Variants in FBLN1 observed in about 807,000 individuals in gnomAD.
FBLN1 encodes fibulin-1.
Under a neutral mutation model 89.7 loss-of-function variants are expected in FBLN1, and 34 were observed. The observed-to-expected ratio is 0.38, with a 90% CI of 0.29 to 0.50. FBLN1 has a LOEUF of 0.50. FBLN1 is among the 20% of genes least tolerant of loss of function. FBLN1 has a pLI of 0.92. For missense variants in FBLN1, 777 were observed against 988.1 expected (o/e 0.79, Z 2.86); for synonymous variants, 393 against 391.3 (o/e 1.00, Z -0.05).
intron 14 of FBLN1, among the ~76,000 whole-genome samples, chr22:45,568,585 C>T (rs1337132753): frequency 1.5e-5 from 2 of 135,578 alleles, no homozygotes; most frequent in Non-Finnish European, 3.1e-5. Context: ...GAGAATGCTC[C>T]TGTAGGGGAA....
Position 45,530,224 on chromosome 22 carries a change from C to CACT in FBLN1, c.485-1041_485-1040insACT, listed in dbSNP as rs1349781865. On this transcript the variant is annotated intron_variant, in intron 4 of 16. Transcript: ENST00000327858. This position sits in a 1 kb window ranked among gnomAD's most constrained non-coding sequence, Gnocchi z 5.4. ...AGACGACATTTTCACTTTAAACAAA[C>CACT]CCAAACCATTCCTGCTGGTGGAGGA... 5.9e-5 allele frequency among the ~76,000 whole-genome samples: 9 copies of CACT among 151,858 alleles called. No individual in the cohort carries two copies. Among genetic ancestry groups the CACT allele is most frequent in the African/African-American group, 1.9e-4 (8 of 41,356 alleles).
Position 45,563,147 on chromosome 22 carries a change from A to G in FBLN1, c.1698-11364A>G, listed in dbSNP as rs1241240759. On this transcript the variant is annotated intron_variant, in intron 14 of 16. Coordinates refer to ENST00000327858, the MANE Select transcript of FBLN1 (RefSeq NM_006486.3). This position sits in a 1 kb window ranked among gnomAD's most constrained non-coding sequence, Gnocchi z 5.7. ...CCCCCACAGTGGGGTGGTGGCCCTC[A>G]CCAAGCCTGTCCCCGAGCCCAGGGA... is the stretch of plus-strand genomic sequence containing the variant. The G allele has an allele frequency of 1.9e-6, 3 of 1,613,254 alleles. No individual in the cohort carries two copies. The highest frequency in any genetic ancestry group is 2.5e-6 in the Non-Finnish European group (3 of 1,179,976).
At chr22:45,519,351 T>C (rs550315986) in intron 2 of FBLN1, among the ~76,000 whole-genome samples, 455 of 152,250 alleles carry the variant, frequency 3.0e-3, no homozygotes, top group Non-Finnish European at 5.4e-3. Context: ...CCGGGCGCGG[T>C]GGCTCACGCC....
chr22:45,574,481 G>A lies in FBLN1; in HGVS notation c.1698-30G>A, dbSNP rs202222692. ...TGGGAGCTGCTGTCCCAGCTTCCCC[G>A]TCAGCCTCGTGTGCTGTGGTTCCCC... On this transcript the variant is annotated intron_variant, in intron 14 of 16. Transcript: ENST00000327858. The surrounding 1 kb of genome is among the most constrained non-coding windows in gnomAD (Gnocchi z 4.1). 72 of 1,613,624 alleles carry A rather than the reference G, an allele frequency of 4.5e-5. No individual in the cohort carries two copies. Among genetic ancestry groups the A allele is most frequent in the South Asian group, 2.3e-4 (21 of 91,074 alleles).
rs754360680 is a variant in FBLN1, at chr22:45,574,467, G to T, written c.1698-44G>T. ...GACCTCGGCCCCTGTGGGAGCTGCT[G>T]TCCCAGCTTCCCCGTCAGCCTCGTG... On this transcript the variant is annotated intron_variant, in intron 14 of 16. Coordinates refer to ENST00000327858, the MANE Select transcript of FBLN1 (RefSeq NM_006486.3). This position sits in a 1 kb window ranked among gnomAD's most constrained non-coding sequence, Gnocchi z 4.1. 1 of 1,613,014 alleles carries T rather than the reference G, an allele frequency of 6.2e-7. No homozygotes were observed. Among genetic ancestry groups the T allele is most frequent in the Non-Finnish European group, 8.5e-7 (1 of 1,179,502 alleles).
chr22:45,543,839 G>A (rs1190203047), intron 11 of FBLN1, among the ~76,000 whole-genome samples: 1 of 152,178 alleles, frequency 6.6e-6, no homozygotes, highest in East Asian at 1.9e-4. Flanking sequence ...GGTTATGCCC[G>A]ACCTCTCCCT....
At chr22:45,582,394 G>A (rs899591664) in intron 16 of FBLN1, among the ~76,000 whole-genome samples, 2 of 152,148 alleles carry the variant, frequency 1.3e-5, no homozygotes, top group South Asian at 4.1e-4. Flanking sequence ...TGTATGTCCA[G>A]GCAGTCAAAA....
chr22:45,519,499 CTGT>C, intron 2 of FBLN1, among the ~76,000 whole-genome samples: 1 of 151,838 alleles, frequency 6.6e-6, no homozygotes, highest in South Asian at 2.1e-4. Flanking sequence ...TGGCATGCGC[CTGT>C]AATCCCAGCT....
chr22:45,520,508 A>C (rs149835751), intron 2 of FBLN1, among the ~76,000 whole-genome samples: 2 of 152,254 alleles, frequency 1.3e-5, no homozygotes, highest in East Asian at 3.9e-4. Context: ...TCATTTAACT[A>C]TGTCACCCAT....
chr22:45,598,330 GT>G (rs2089203325), intron 16 of FBLN1, among the ~76,000 whole-genome samples: 1 of 152,164 alleles, frequency 6.6e-6, no homozygotes, highest in Non-Finnish European at 1.5e-5. Context: ...TTGGCCGATG[GT>G]ACGACCAGAG....
intron 14 of FBLN1, chr22:45,558,153 A>G: frequency 1.4e-6 from 1 of 712,192 alleles, no homozygotes; most frequent in Non-Finnish European, 2.6e-6. Flanking sequence ...GACCACGGGC[A>G]TTTGAGCCAC....
intron 16 of FBLN1, among the ~76,000 whole-genome samples, chr22:45,595,518 T>G (rs1296523464): frequency 6.6e-6 from 1 of 152,170 alleles, no homozygotes; most frequent in African/African-American, 2.4e-5. Flanking sequence ...GTGTGGTCCT[T>G]CCTTTCTAGT....
chr22:45,564,213 C>T (rs2088881257), intron 14 of FBLN1, among the ~76,000 whole-genome samples: 1 of 152,208 alleles, frequency 6.6e-6, no homozygotes, highest in Non-Finnish European at 1.5e-5. Context: ...TCCATCTCCT[C>T]CACCATGGTC....
At chr22:45,598,591 C>T (rs2089205615) in intron 16 of FBLN1, among the ~76,000 whole-genome samples, 1 of 152,224 alleles carries the variant, frequency 6.6e-6, no homozygotes, top group South Asian at 2.1e-4. Flanking sequence ...TCCCCACCTC[C>T]ATTCTCGCCC....
intron 14 of FBLN1, among the ~76,000 whole-genome samples, chr22:45,559,135 G>C (rs372162860): frequency 1.1e-4 from 16 of 152,348 alleles, no homozygotes; most frequent in African/African-American, 3.8e-4. Flanking sequence ...GGTGGGCCTT[G>C]GAACAGGAAT....
At chr22:45,571,111 CAAAAAAAAAA>C (rs542647353) in intron 14 of FBLN1, among the ~76,000 whole-genome samples, 3 of 70,862 alleles carry the variant, frequency 4.2e-5, no homozygotes, top group Admixed American at 3.6e-4. Context: ...ACAAGAGTCT[CAAAAAAAAAA>C]AAAAAAAAAA....
Position 45,577,244 on chromosome 22 carries a change from A to G in FBLN1, c.1972+136A>G. On this transcript the variant is annotated intron_variant, in intron 16 of 16. Coordinates refer to ENST00000327858, the MANE Select transcript of FBLN1 (RefSeq NM_006486.3). This position sits in a 1 kb window ranked among gnomAD's most constrained non-coding sequence, Gnocchi z 6.6. ...ACCCAACCTTCAGGGCCCAGCGCCG[A>G]GGCCACCACAGCTCCCAATCGGTCT... 2.1e-6 allele frequency: 2 copies of G among 962,846 alleles called. No homozygotes were observed. Among genetic ancestry groups the G allele is most frequent in the Non-Finnish European group, 3.2e-6 (2 of 623,594 alleles). 59.6% of individuals were successfully genotyped at this position (962,846 alleles called of 1,614,324 possible). A position where few individuals can be genotyped will look rare whatever the true frequency, so the allele number is the denominator to read the frequency against.
At chr22:45,517,103 G>A (rs143612186) in intron 1 of FBLN1, among the ~76,000 whole-genome samples, 3 of 152,342 alleles carry the variant, frequency 2.0e-5, no homozygotes, top group Non-Finnish European at 2.9e-5. Flanking sequence ...GACAGCAGCC[G>A]CCCTCTGGGC....
In FBLN1 at chr22:45,547,099, A is replaced by G; in HGVS notation, c.1336A>G (p.Ser446Gly). The change falls in exon 12 of 17, where the codon AGC (serine) becomes GGC (glycine). Residue 446 changes from serine (S) to glycine (G), a missense_variant. Physicochemically the swap from Ser to Gly is moderately conservative, Grantham distance 56. Coordinates refer to ENST00000327858, the MANE Select transcript of FBLN1 (RefSeq NM_006486.3). ...GRSCEDINECSSSPCSQECAN... is the reference protein window; with the variant it reads ...GRSCEDINECGSSPCSQECAN... ...TTGTATTTCAGACATCAATGAGTGCAGCAGCAGCCCCTGTAGCCAGGAGTG... is the reference window on the plus strand; with the variant it reads ...TTGTATTTCAGACATCAATGAGTGCGGCAGCAGCCCCTGTAGCCAGGAGTG... 1 of 1,614,150 alleles carries G rather than the reference A, an allele frequency of 6.2e-7. No homozygotes were observed.
Sources: gnomAD v4.1 joint callset for allele counts (sites outside exome capture counted in the v4.1 genomes callset) on GRCh38, gnomAD v4.1.1 for gene constraint, Gnocchi (gnomAD v3.1) non-coding constraint, MANE v1.5 for transcripts, NCBI Gene and HGNC (gene_info 2026-07-23, HGNC 2026-07-21) for gene names.